The following UBE2L6 variants were observed in gnomAD, a reference collection of about 807,000 sequenced individuals.
UBE2L6 encodes the protein ubiquitin/ISG15-conjugating enzyme E2 L6.
UBE2L6 carries 11 observed loss-of-function variants against 13.6 expected under a neutral mutation model. That is an observed-to-expected ratio of 0.81 (90% confidence interval 0.51 to 1.34). The LOEUF is 1.34. UBE2L6 is among the 40% of genes most tolerant of loss of function. UBE2L6 has a pLI of 0.00. For synonymous variants in UBE2L6, 74 were observed against 83.2 expected (o/e 0.89, Z 0.60); for missense variants, 197 against 199.5 (o/e 0.99, Z 0.07).
chr11:57,563,332 A>G (rs111670684), intron 1 of UBE2L6, among the ~76,000 whole-genome samples: 1 of 151,726 alleles, frequency 6.6e-6, no homozygotes, highest in Non-Finnish European at 1.5e-5. Flanking sequence ...TCTACTAAAA[A>G]TACAAAAATT....
At chr11:57,567,125 A>T (rs543234490) in intron 1 of UBE2L6, 190 of 458,588 alleles carry the variant, frequency 4.1e-4, no homozygotes, top group African/African-American at 3.2e-3. Context: ...GTTTCTCAGG[A>T]CTCTAGTAAT....
upstream of UBE2L6, chr11:57,567,885 C>T (rs1945106870): frequency 2.5e-6 from 1 of 404,708 alleles, no homozygotes; most frequent in African/African-American, 2.1e-5. Context: ...CCTCGGGGCG[C>T]ACGGCTTTGC....
Position 57,566,140 on chromosome 11 carries a change from G to A in UBE2L6, c.27+1445C>T, listed in dbSNP as rs202088725. On this transcript the variant is annotated intron_variant, in intron 1 of 3. Transcript: ENST00000287156. ...GCAAGAACAAAGCCCAGGGCTGACC[G>A]GAGAAGATCTGGAATAGACATTTTC... Among the ~76,000 whole-genome samples the A allele has an allele frequency of 4.1e-4, 62 of 152,230 alleles. No individual in the cohort carries two copies. In the East Asian group the frequency reaches 9.4e-3, roughly 23 times the overall value.
intron 2 of UBE2L6, among the ~76,000 whole-genome samples, chr11:57,556,090 A>C (rs1348814738): frequency 1.3e-5 from 2 of 152,162 alleles, no homozygotes; most frequent in Non-Finnish European, 2.9e-5. Flanking sequence ...TCCTGTGCTA[A>C]GGGTTTGACA....
chr11:57,565,161 G>A (rs952312712), intron 1 of UBE2L6, among the ~76,000 whole-genome samples: 2 of 151,778 alleles, frequency 1.3e-5, no homozygotes, highest in Non-Finnish European at 2.9e-5. Context: ...AGAATCACTT[G>A]AGCCTGGGAG....
intron 1 of UBE2L6, among the ~76,000 whole-genome samples, chr11:57,560,937 T>C (rs1945041059): frequency 1.3e-5 from 2 of 152,140 alleles, no homozygotes; most frequent in Admixed American, 6.6e-5. Context: ...GTGCTTTAAG[T>C]GAATTTTCTG....
At chr11:57,566,348 C>G (rs1352374131) in intron 1 of UBE2L6, among the ~76,000 whole-genome samples, 1 of 152,152 alleles carries the variant, frequency 6.6e-6, no homozygotes, top group Admixed American at 6.5e-5. Flanking sequence ...ATTAAGAGAG[C>G]CTGCAGGCTG....
At chr11:57,561,531 T>G (rs532508805) in intron 1 of UBE2L6, among the ~76,000 whole-genome samples, 1 of 152,142 alleles carries the variant, frequency 6.6e-6, no homozygotes, top group African/African-American at 2.4e-5. Flanking sequence ...GTGCACTCTG[T>G]GAGCTGGGCC....
intron 2 of UBE2L6, among the ~76,000 whole-genome samples, chr11:57,556,415 T>C (rs1411470024): frequency 2.0e-5 from 3 of 151,632 alleles, no homozygotes; most frequent in African/African-American, 4.9e-5. Context: ...AGAAACCCTG[T>C]CTCTGTTAAA....
chr11:57,561,112 C>T (rs1483152963), intron 1 of UBE2L6, among the ~76,000 whole-genome samples: 2 of 152,188 alleles, frequency 1.3e-5, no homozygotes, highest in Non-Finnish European at 2.9e-5. Flanking sequence ...TAGAAAGTCA[C>T]TAGGTTCTAA....
At chr11:57,554,657 T>C in intron 2 of UBE2L6, 34 bp from the exon 3 acceptor site, 3 of 1,612,762 alleles carry the variant, frequency 1.9e-6, no homozygotes, top group Non-Finnish European at 2.5e-6. Context: ...AGCTCCAGTC[T>C]GGTTTTCCTC....
In UBE2L6 at chr11:57,555,506, G is replaced by T. The variant is rs1944990354; in HGVS notation, c.124-883C>A. On this transcript the variant is annotated intron_variant, in intron 2 of 3. Transcript: ENST00000287156. Reference sequence around the variant, plus strand: ...AGAAAGGAATGGGGAGTTACTGAAGGGGTACAGAGTTTCAGTACAGGTAGA... The same window carrying T: ...AGAAAGGAATGGGGAGTTACTGAAGTGGTACAGAGTTTCAGTACAGGTAGA... Among the ~76,000 whole-genome samples, 3 of 152,274 alleles carry T rather than the reference G, an allele frequency of 2.0e-5. No individual in the cohort carries two copies. The South Asian group carries it at 6.2e-4, about 32-fold the overall frequency.
intron 1 of UBE2L6, chr11:57,566,951 C>CT (rs1565161802): frequency 1.9e-5 from 3 of 159,038 alleles, no homozygotes; most frequent in African/African-American, 4.2e-5. Context: ...CTGCCCGCCC[C>CT]CCCCCCCCTC....
intron 1 of UBE2L6, 136 bp downstream of exon 1, chr11:57,567,449 G>T: frequency 7.9e-7 from 1 of 1,264,410 alleles, no homozygotes; most frequent in Non-Finnish European, 1.1e-6. Context: ...AGGGCGGGGA[G>T]GACAGGGATT....
chr11:57,554,620 G>T lies in UBE2L6; in HGVS notation c.127C>A (p.Gln43Lys). 6.2e-7 allele frequency: 1 copy of T among 1,614,104 alleles called. No individual in the cohort carries two copies. The highest frequency in any genetic ancestry group is 8.5e-7 in the Non-Finnish European group (1 of 1,180,012). Residue 43 changes from glutamine to lysine, a missense_variant, in exon 3 of 4, where the codon CAA (glutamine) becomes AAA (lysine). Gln to Lys is a moderately conservative substitution (Grantham distance 53). Coordinates refer to ENST00000287156, the MANE Select transcript of UBE2L6 (RefSeq NM_004223.5). ...AAGGCTTTCAGGTGGTAGGGAGGTTGGTCCTGTGCAGAGAGAAAAGGGGTC... is the reference window on the plus strand; with the variant it reads ...AAGGCTTTCAGGTGGTAGGGAGGTTTGTCCTGTGCAGAGAGAAAAGGGGTC... ...LVWHALLLPDQPPYHLKAFNL... is the reference protein window; with the variant it reads ...LVWHALLLPDKPPYHLKAFNL...
chr11:57,567,463 C>G (rs554435848), intron 1 of UBE2L6, 122 bp downstream of exon 1: 6 of 1,391,090 alleles, frequency 4.3e-6, no homozygotes, highest in Middle Eastern at 1.8e-4. Context: ...AGGGATTCAG[C>G]CAGCCCTGGT....
chr11:57,554,420 G>A lies in UBE2L6; in HGVS notation c.310+17C>T. The A allele has an allele frequency of 1.9e-6, 3 of 1,612,214 alleles. No homozygotes were observed. The highest frequency in any genetic ancestry group is 2.5e-6 in the Non-Finnish European group (3 of 1,178,754). ...TACCCAGTATCAGTCCCTCCTCCAA[G>A]CAAAGCCCAACCCCACCTTGGCAAG... On this transcript the variant is annotated intron_variant, in intron 3 of 3. Transcript: ENST00000287156.
intron 3 of UBE2L6, among the ~76,000 whole-genome samples, chr11:57,553,368 C>T (rs11603817): frequency 0.013 from 1,929 of 152,190 alleles, 25 homozygotes; most frequent in Non-Finnish European, 0.019. Flanking sequence ...GTGGCATGCT[C>T]CTGTAGTCCC....
At chr11:57,554,304 G>A (rs1362336545) in intron 3 of UBE2L6, 133 bp downstream of exon 3, 2 of 1,054,200 alleles carry the variant, frequency 1.9e-6, no homozygotes, top group Non-Finnish European at 1.4e-6. Flanking sequence ...CTATCTCATA[G>A]TAAGTTCAGC....
Sources: allele counts gnomAD v4.1 joint callset (sites outside exome capture counted in the v4.1 genomes callset), GRCh38; gene constraint gnomAD v4.1.1; transcripts MANE v1.5; gene names NCBI Gene and HGNC (gene_info 2026-07-23, HGNC 2026-07-21).